Variants in SMAD6 observed in about 807,000 individuals in gnomAD.
SMAD6 encodes SMAD family member 6.
In SMAD6, 103 loss-of-function variants were observed where a neutral mutation model predicts 39.4. That is an observed-to-expected ratio of 2.62 (90% CI 2.23 to 3.08). The LOEUF (loss-of-function observed/expected upper bound fraction) is 3.08. Among genes scored for constraint, SMAD6 ranks in the 30% most tolerant of loss-of-function variants. The pLI is 0.00. For missense variants in SMAD6, 1,104 were observed against 742.9 expected (o/e 1.49, Z -5.65); for synonymous variants, 445 against 353.3 (o/e 1.26, Z -2.91).
chr15:66,771,790 C>T (rs550155335), intron 3 of SMAD6, among the ~76,000 whole-genome samples: 5 of 151,306 alleles, frequency 3.3e-5, no homozygotes, highest in African/African-American at 9.7e-5. Flanking sequence ...TGGGACTAGC[C>T]GGGGCTAGCA....
rs1037354590 is a variant in SMAD6 at position 66,759,530 on chromosome 15, C to T, written c.953-21467C>T. 7.9e-5 allele frequency among the ~76,000 whole-genome samples: 12 copies of T among 152,314 alleles called. No individual in the cohort carries two copies. In the East Asian group the frequency reaches 2.1e-3, roughly 27 times the overall value. Reference sequence around the variant, plus strand: ...TATGTATGGGCACTTAGGTCAGTTCCATATCTTTGTGACTATGGATTGCAG... The same window carrying T: ...TATGTATGGGCACTTAGGTCAGTTCTATATCTTTGTGACTATGGATTGCAG... On this transcript the variant is annotated intron_variant, in intron 3 of 3. Coordinates refer to ENST00000288840, the MANE Select transcript of SMAD6 (RefSeq NM_005585.5).
chr15:66,709,194 G>A (rs1026402021), intron 1 of SMAD6, among the ~76,000 whole-genome samples: 1 of 152,222 alleles, frequency 6.6e-6, no homozygotes, highest in African/African-American at 2.4e-5. Flanking sequence ...TTAGTGATTA[G>A]CTTTCAGTCC....
At chr15:66,730,302 A>AT (rs1239801774) in intron 3 of SMAD6, among the ~76,000 whole-genome samples, 1 of 151,994 alleles carries the variant, frequency 6.6e-6, no homozygotes, top group Non-Finnish European at 1.5e-5. Flanking sequence ...CTTTTCTTTG[A>AT]TTTTGTTACA....
At chr15:66,727,999 A>G (rs1893553341) in intron 3 of SMAD6, among the ~76,000 whole-genome samples, 1 of 152,032 alleles carries the variant, frequency 6.6e-6, no homozygotes, top group Admixed American at 6.6e-5. Flanking sequence ...GATTACAGGC[A>G]TGCACCACCA....
Position 66,781,147 on chromosome 15 carries a change from T to A in SMAD6, c.1103T>A (p.Leu368Gln). ...CTACCTCAGGGCAGCGGCTTCTGCC[T>A]GGGCCAGCTCAACCTGGAGCAGCGC... ...YDLPQGSGFC[L>Q]GQLNLEQRSE... The change falls in exon 4 of 4, where the codon CTG becomes CAG. Residue 368 changes from leucine to glutamine, a missense_variant. Coordinates refer to ENST00000288840, the MANE Select transcript of SMAD6 (RefSeq NM_005585.5). 4 of 1,608,372 alleles carry A rather than the reference T, an allele frequency of 2.5e-6. No homozygotes were observed. Among genetic ancestry groups the A allele is most frequent in the Admixed American group, 1.7e-5 (1 of 59,996 alleles).
chr15:66,752,758 G>T (rs62005649), intron 3 of SMAD6, among the ~76,000 whole-genome samples: 10,911 of 152,062 alleles, frequency 0.072, 837 homozygotes, highest in African/African-American at 0.19. Flanking sequence ...TGCATCATTC[G>T]CTCCAGCCTG....
intron 3 of SMAD6, among the ~76,000 whole-genome samples, chr15:66,717,898 C>T (rs995245900): frequency 1.2e-4 from 19 of 152,118 alleles, no homozygotes; most frequent in African/African-American, 4.3e-4. Context: ...ACCAGATGAA[C>T]GCAAGTTAAA....
chr15:66,704,662 C>A (rs1309330450), intron 1 of SMAD6: 1 of 152,216 alleles, frequency 6.6e-6, no homozygotes, highest in African/African-American at 2.4e-5. Context: ...CTCTTTATTC[C>A]CCACATAATA....
intron 3 of SMAD6, among the ~76,000 whole-genome samples, chr15:66,767,437 C>G (rs1425028797): frequency 6.6e-6 from 1 of 152,130 alleles, no homozygotes. Flanking sequence ...CTGGTTAGCT[C>G]CCTCCCTCCT....
At position 66,781,595 on chromosome 15, in the gene SMAD6, G is replaced by C. The variant is rs900528900; in HGVS notation, c.*60G>C. The C allele has an allele frequency of 3.9e-6, 5 of 1,294,190 alleles. No individual in the cohort carries two copies. The African/African-American group carries it at 6.1e-5, about 16-fold the overall frequency. The allele number at this position is 1,294,190 out of a possible 1,614,324, so 80.2% of individuals were successfully genotyped here. The stretch of plus-strand genomic sequence containing the variant: ...GCGGCCACCGCCACCTGCCGGCCTC[G>C]AGAGGGGCCGATGCCCAGAGACACA... On this transcript the variant is annotated 3_prime_UTR_variant, in exon 4 of 4. Coordinates refer to ENST00000288840, the MANE Select transcript of SMAD6 (RefSeq NM_005585.5).
chr15:66,743,416 CT>C (rs58470342), intron 3 of SMAD6, among the ~76,000 whole-genome samples: 43,739 of 151,616 alleles, frequency 0.29, 6,666 homozygotes, highest in East Asian at 0.44. Context: ...CCTGAAAAAG[CT>C]TTTGTGAGTG....
At chr15:66,715,319 T>C (rs1202605158) in intron 2 of SMAD6, among the ~76,000 whole-genome samples, 1 of 148,420 alleles carries the variant, frequency 6.7e-6, no homozygotes, top group Non-Finnish European at 1.5e-5. Flanking sequence ...AATTGGTTAA[T>C]GTTTTATCTT....
intron 3 of SMAD6, among the ~76,000 whole-genome samples, chr15:66,757,824 G>T (rs1894130195): frequency 6.6e-6 from 1 of 152,224 alleles, no homozygotes; most frequent in Non-Finnish European, 1.5e-5. Context: ...CAACAGAGTG[G>T]CATGGAATGC....
chr15:66,722,652 C>T (rs558676172), intron 3 of SMAD6, among the ~76,000 whole-genome samples: 2 of 152,356 alleles, frequency 1.3e-5, no homozygotes, highest in East Asian at 3.9e-4. Flanking sequence ...ACATCAATCC[C>T]TCGCCATGTG....
intron 3 of SMAD6, among the ~76,000 whole-genome samples, chr15:66,778,265 A>G (rs147237677): frequency 1.1e-4 from 17 of 152,208 alleles, no homozygotes; most frequent in South Asian, 2.1e-4. Flanking sequence ...AAGTTTTTTT[A>G]GAGATGAGGT....
intron 3 of SMAD6, among the ~76,000 whole-genome samples, chr15:66,756,873 T>A (rs1894109496): frequency 6.6e-6 from 1 of 152,226 alleles, no homozygotes; most frequent in Non-Finnish European, 1.5e-5. Flanking sequence ...GTTTTGGCTG[T>A]TTCTTCTCCC....
At chr15:66,713,952 G>A (rs1893279492) in intron 2 of SMAD6, among the ~76,000 whole-genome samples, 1 of 152,228 alleles carries the variant, frequency 6.6e-6, no homozygotes, top group African/African-American at 2.4e-5. Flanking sequence ...CAGCTAATGA[G>A]CTGCAGGGTT....
chr15:66,767,173 T>G (rs746522845), intron 3 of SMAD6, among the ~76,000 whole-genome samples: 3 of 152,344 alleles, frequency 2.0e-5, no homozygotes, highest in South Asian at 2.1e-4. Context: ...CAAACCTCTG[T>G]GAGCTTTATA....
intron 3 of SMAD6, among the ~76,000 whole-genome samples, chr15:66,770,100 T>C (rs762074299): frequency 3.3e-5 from 5 of 152,196 alleles, no homozygotes; most frequent in Non-Finnish European, 5.9e-5. Context: ...AGTGCCGGGA[T>C]TGCAGCCGTG....
Sources: gnomAD v4.1 joint callset for allele counts (sites outside exome capture counted in the v4.1 genomes callset) on GRCh38, gnomAD v4.1.1 for gene constraint, MANE v1.5 for transcripts, NCBI Gene and HGNC (gene_info 2026-07-23, HGNC 2026-07-21) for gene names.